Variants in EPB41L2 observed in about 807,000 individuals in gnomAD.
EPB41L2 encodes the protein erythrocyte membrane protein band 4.1 like 2.
In EPB41L2, 43 loss-of-function variants were observed where a neutral mutation model predicts 113.0. The ratio of observed to expected loss-of-function variants is 0.38; its 90% CI spans 0.30 to 0.49. The LOEUF (loss-of-function observed/expected upper bound fraction) is 0.49. Among genes scored for constraint, EPB41L2 ranks in the 20% least tolerant of loss-of-function variants. EPB41L2 has a pLI of 0.95. For synonymous variants in EPB41L2, 442 were observed against 436.7 expected (o/e 1.01, Z -0.15); for missense variants, 1,147 against 1,223.4 (o/e 0.94, Z 0.93).
intron 1 of EPB41L2, among the ~76,000 whole-genome samples, chr6:130,990,497 A>T (rs183653577): frequency 9.8e-4 from 150 of 152,352 alleles, no homozygotes; most frequent in African/African-American, 3.3e-3. Context: ...ACACAAATTA[A>T]AAGGCAGAGA....
Position 130,880,448 on chromosome 6 carries a change from A to G in EPB41L2, c.1834-242T>C. ...AGATGTTTAACTTTAGGGAAAACTCAGCCACCTCTTCCAGCTGCGTTTCCT... is the reference window on the plus strand; with the variant it reads ...AGATGTTTAACTTTAGGGAAAACTCGGCCACCTCTTCCAGCTGCGTTTCCT... On this transcript the variant is annotated intron_variant, in intron 12 of 19. Transcript: ENST00000337057. The G allele has an allele frequency of 4.6e-6, 3 of 649,156 alleles. No homozygotes were observed. The South Asian group carries it at 5.2e-5, about 11-fold the overall frequency. The allele number at this position is 649,156 out of a possible 1,614,324, so 40.2% of individuals were successfully genotyped here. A position where few individuals can be genotyped will look rare whatever the true frequency, so the allele number is the denominator to read the frequency against.
chr6:130,997,934 A>T (rs560395890), intron 1 of EPB41L2, among the ~76,000 whole-genome samples: 74 of 143,338 alleles, frequency 5.2e-4, no homozygotes, highest in African/African-American at 1.8e-3. Flanking sequence ...AATTATAACT[A>T]AAAAAAATCA....
chr6:131,019,575 G>T (rs961594233), intron 1 of EPB41L2, among the ~76,000 whole-genome samples: 5 of 152,080 alleles, frequency 3.3e-5, no homozygotes, highest in African/African-American at 1.2e-4. Flanking sequence ...GAATTATACT[G>T]CATTCCTAAA....
chr6:131,035,197 T>C (rs1297178605), intron 1 of EPB41L2, among the ~76,000 whole-genome samples: 1 of 152,204 alleles, frequency 6.6e-6, no homozygotes, highest in East Asian at 1.9e-4. Context: ...TCAGGACTAC[T>C]TAAGGAAGGA....
intron 3 of EPB41L2, among the ~76,000 whole-genome samples, chr6:130,929,181 G>T (rs555517310): frequency 4.6e-5 from 7 of 152,282 alleles, no homozygotes; most frequent in African/African-American, 1.7e-4. Flanking sequence ...TTGAGAGAGC[G>T]ATGTACAAAG....
At chr6:131,011,380 G>A (rs577098058) in intron 1 of EPB41L2, among the ~76,000 whole-genome samples, 24 of 152,280 alleles carry the variant, frequency 1.6e-4, no homozygotes, top group African/African-American at 3.9e-4. Flanking sequence ...AATTACAAAC[G>A]GTAGGCCCAA....
chr6:130,880,175 ATAT>A lies in EPB41L2; in HGVS notation c.1862_1864del (p.Asn621del). 1 of 1,610,370 alleles carries A rather than the reference ATAT, an allele frequency of 6.2e-7. No individual in the cohort carries two copies. Among genetic ancestry groups the A allele is most frequent in the Middle Eastern group, 1.7e-4 (1 of 6,044 alleles). ...CATTAAATTGCTATGTCTGACATAA[ATAT>A]TATCCCCTTCTACTCTCAAGGAATT... On this transcript the variant is annotated inframe_deletion, in exon 13 of 20. Coordinates refer to ENST00000337057, the MANE Select transcript of EPB41L2 (RefSeq NM_001431.4).
intron 3 of EPB41L2, among the ~76,000 whole-genome samples, chr6:130,936,535 T>C (rs1431625389): frequency 6.6e-6 from 1 of 152,086 alleles, no homozygotes; most frequent in Non-Finnish European, 1.5e-5. Flanking sequence ...ACAAAGACAT[T>C]GCAAATATAT....
chr6:130,922,833 G>A (rs1286408188), intron 4 of EPB41L2, among the ~76,000 whole-genome samples: 1 of 152,118 alleles, frequency 6.6e-6, no homozygotes, highest in Non-Finnish European at 1.5e-5. Context: ...ATATGAATAT[G>A]ATATTCACAT....
chr6:130,880,305 A>C, intron 12 of EPB41L2, 99 bp from the exon 13 acceptor site: 1 of 755,156 alleles, frequency 1.3e-6, no homozygotes, highest in South Asian at 1.7e-5. Flanking sequence ...AGTCTAAGAC[A>C]TTAAAATAAA....
At chr6:130,857,223 G>A (rs959571737) in intron 19 of EPB41L2, among the ~76,000 whole-genome samples, 1 of 152,082 alleles carries the variant, frequency 6.6e-6, no homozygotes, top group Non-Finnish European at 1.5e-5. Context: ...AAATTTATAG[G>A]TGAAAACTTG....
chr6:131,006,936 C>T (rs1346657987), intron 1 of EPB41L2, among the ~76,000 whole-genome samples: 1 of 152,142 alleles, frequency 6.6e-6, no homozygotes, highest in Non-Finnish European at 1.5e-5. Context: ...CCTTAAGCAG[C>T]TTGGATCCCA....
intron 3 of EPB41L2, among the ~76,000 whole-genome samples, chr6:130,934,872 G>A (rs370539883): frequency 5.1e-4 from 74 of 146,170 alleles, no homozygotes; most frequent in Middle Eastern, 7.6e-3. Flanking sequence ...TTGTATATAC[G>A]TATACAAGTA....
intron 11 of EPB41L2, among the ~76,000 whole-genome samples, chr6:130,887,643 G>A (rs888138709): frequency 6.6e-6 from 1 of 152,068 alleles, no homozygotes; most frequent in African/African-American, 2.4e-5. Flanking sequence ...TAGCTTCATC[G>A]TTGCCGCCTC....
chr6:130,919,788 C>T (rs1182155707), intron 4 of EPB41L2, among the ~76,000 whole-genome samples: 2 of 152,156 alleles, frequency 1.3e-5, no homozygotes, highest in Non-Finnish European at 2.9e-5. Context: ...GAAAAACACA[C>T]ACAAATATAT....
At chr6:130,900,830 T>C in intron 7 of EPB41L2, 132 bp downstream of exon 7, 1 of 954,156 alleles carries the variant, frequency 1.0e-6, no homozygotes, top group Non-Finnish European at 1.6e-6. Flanking sequence ...TTGCCTTGAT[T>C]AGTGCTAGGT....
intron 1 of EPB41L2, among the ~76,000 whole-genome samples, chr6:131,027,806 T>C (rs1791215533): frequency 6.6e-6 from 1 of 152,176 alleles, no homozygotes; most frequent in Non-Finnish European, 1.5e-5. Flanking sequence ...ATTTAAAGTT[T>C]TTAAAAATTT....
intron 1 of EPB41L2, among the ~76,000 whole-genome samples, chr6:131,003,147 T>A (rs199973981): frequency 7.3e-6 from 1 of 136,702 alleles, no homozygotes; most frequent in Admixed American, 8.2e-5. Flanking sequence ...TAAAAAAAAA[T>A]CACTTGGCAC....
chr6:130,941,236 T>C (rs555319619), intron 3 of EPB41L2, among the ~76,000 whole-genome samples: 55 of 152,308 alleles, frequency 3.6e-4, no homozygotes, highest in Middle Eastern at 3.4e-3. Context: ...CTGTCATTAA[T>C]TTTTTAAAAA....
Sources: allele counts gnomAD v4.1 joint callset (sites outside exome capture counted in the v4.1 genomes callset), GRCh38; gene constraint gnomAD v4.1.1; transcripts MANE v1.5; gene names NCBI Gene and HGNC (gene_info 2026-07-23, HGNC 2026-07-21).